The following ZC3H4 variants were observed in gnomAD, a reference collection of about 807,000 sequenced individuals.
ZC3H4 encodes the protein zinc finger CCCH domain-containing protein 4.
ZC3H4 carries 13 observed loss-of-function variants against 108.3 expected under a neutral mutation model. The ratio of observed to expected loss-of-function variants is 0.12; its 90% CI spans 0.08 to 0.19. The LOEUF is 0.19. Among genes scored for constraint, ZC3H4 ranks in the 10% least tolerant of loss-of-function variants. The pLI, the probability that ZC3H4 is intolerant of heterozygous loss-of-function variation, is 1.00. For synonymous variants in ZC3H4, 917 were observed against 749.6 expected, an observed-to-expected ratio of 1.22 and a Z score of -3.65; for missense variants, 1,734 against 1,838.8, an observed-to-expected ratio of 0.94 and a Z score of 1.04.
In ZC3H4 at chr19:47,112,576, G is replaced by A; in HGVS notation, c.9C>T (p.Ala3=). 1.7e-6 allele frequency: 2 copies of A among 1,168,066 alleles called. No individual in the cohort carries two copies. The highest frequency in any genetic ancestry group is 4.1e-5 in the South Asian group (1 of 24,240). 72.4% of individuals were successfully genotyped at this position (1,168,066 alleles called of 1,614,324 possible). Residue 3 remains alanine (A), a synonymous_variant, in exon 2 of 15, where the codon GCC becomes GCT. Coordinates refer to ENST00000253048, the MANE Select transcript of ZC3H4 (RefSeq NM_015168.2). The part of the protein sequence containing the change: ME[A]APGTPPPPPS... Reference sequence around the variant, plus strand: ...GCGGCGGCGGGGGGGTCCCGGGCGCGGCCTCCATAGTTCCTTTGGGGGGGA... The same window carrying A: ...GCGGCGGCGGGGGGGTCCCGGGCGCAGCCTCCATAGTTCCTTTGGGGGGGA...
rs1017396998 is a variant in ZC3H4 at position 47,072,501 on chromosome 19, C to A, written c.1653G>T (p.Pro551=). Residue 551 remains proline, a synonymous_variant, in exon 12 of 15, where the codon CCG becomes CCT. Coordinates refer to ENST00000253048, the MANE Select transcript of ZC3H4 (RefSeq NM_015168.2). The surrounding 1 kb of genome is among the most constrained non-coding windows in gnomAD (Gnocchi z 5.6). ...PPPPPPPPPP[P]PGPPQMPMPV... ...GCATGGGCATCTGAGGGGGCCCGGG[C>A]GGTGGGGGAGGGGGAGGGGGCGGGG... is the stretch of plus-strand genomic sequence containing the variant. 1 of 220,704 alleles carries A rather than the reference C, an allele frequency of 4.5e-6. No individual in the cohort carries two copies. Among genetic ancestry groups the A allele is most frequent in the East Asian group, 3.1e-4 (1 of 3,222 alleles). The allele number at this position is 220,704 out of a possible 1,614,324, so 13.7% of individuals were successfully genotyped here.
At chr19:47,112,043 C>T (rs62135069) in intron 2 of ZC3H4, 113,182 of 852,750 alleles carry the variant, frequency 0.13, 8,298 homozygotes, top group Non-Finnish European at 0.15. Context: ...CAGCTCCGGG[C>T]GCAGGGGCAG....
rs1176293304 is a variant in ZC3H4 at position 47,064,867 on chromosome 19, G to GTGGGA, written c.*1484_*1488dup. 7 of 152,196 alleles carry GTGGGA rather than the reference G, an allele frequency of 4.6e-5. No homozygotes were observed. The East Asian group carries it at 1.3e-3, about 29-fold the overall frequency. 9.4% of individuals were successfully genotyped at this position (152,196 alleles called of 1,614,324 possible). ...TTCATTTTTCTCTTTTTGGGGTGGG[G>GTGGGA]TGGGATAGGAGCCTTGTTCACCCCA... On this transcript the variant is annotated 3_prime_UTR_variant, in exon 15 of 15. Coordinates refer to ENST00000253048, the MANE Select transcript of ZC3H4 (RefSeq NM_015168.2).
chr19:47,089,164 C>CCACTG (rs2057686252), intron 5 of ZC3H4, among the ~76,000 whole-genome samples: 1 of 148,686 alleles, frequency 6.7e-6, no homozygotes, highest in Non-Finnish European at 1.5e-5. Flanking sequence ...CGAGATCGCG[C>CCACTG]CACTGCACTC....
rs1010492855 is a variant in ZC3H4, at chr19:47,096,689, G to A, written c.162-2081C>T. 6 of 621,106 alleles carry A rather than the reference G, an allele frequency of 9.7e-6. No homozygotes were observed. The African/African-American group carries it at 1.2e-4, about 12-fold the overall frequency. The allele number at this position is 621,106 out of a possible 1,614,324, so 38.5% of individuals were successfully genotyped here. ...CTGGGGTTCCATAAAGAAAAGCTAAGAACAACATTACTCTCGACACTTAAG... is the reference window on the plus strand; with the variant it reads ...CTGGGGTTCCATAAAGAAAAGCTAAAAACAACATTACTCTCGACACTTAAG... On this transcript the variant is annotated intron_variant, in intron 2 of 14. Transcript: ENST00000253048.
rs762005981 is a variant in ZC3H4 at position 47,071,998 on chromosome 19, A to AGGGTGCATGTCC, written c.1914_1925dup (p.Pro642_His645dup). On this transcript the variant is annotated inframe_insertion, in exon 13 of 15. Coordinates refer to ENST00000253048, the MANE Select transcript of ZC3H4 (RefSeq NM_015168.2). ...CTGCGTGCATGTCTGCGTGCATGTC[A>AGGGTGCATGTCC]GGGTGCATGTCCGGGTGCATGTCGG... 47 of 1,583,052 alleles carry AGGGTGCATGTCC rather than the reference A, an allele frequency of 3.0e-5. No homozygotes were observed. In the African/African-American group the frequency reaches 4.2e-4, roughly 14 times the overall value.
intron 11 of ZC3H4, among the ~76,000 whole-genome samples, chr19:47,081,062 T>A (rs2057513046): frequency 6.6e-6 from 1 of 151,842 alleles, no homozygotes; most frequent in Non-Finnish European, 1.5e-5. Context: ...GCCCAGCCAA[T>A]TTTTTTTAAT....
At chr19:47,094,238 ACC>A in intron 3 of ZC3H4, 149 bp downstream of exon 3, 1 of 1,098,268 alleles carries the variant, frequency 9.1e-7, no homozygotes, top group Admixed American at 2.1e-5. Context: ...AGCATAAGCT[ACC>A]AACTCTTTTA....
intron 2 of ZC3H4, among the ~76,000 whole-genome samples, chr19:47,104,616 C>T (rs2057945886): frequency 6.6e-6 from 1 of 152,194 alleles, no homozygotes. Context: ...CAAACTCATT[C>T]AAGTGTTTAT....
intron 5 of ZC3H4, among the ~76,000 whole-genome samples, chr19:47,088,030 G>A (rs908786566): frequency 1.3e-5 from 2 of 151,586 alleles, no homozygotes; most frequent in Non-Finnish European, 1.5e-5. Context: ...AAAATTAGCC[G>A]GGCGTGGCGG....
chr19:47,111,346 A>C (rs985879497), intron 2 of ZC3H4, among the ~76,000 whole-genome samples: 2 of 152,194 alleles, frequency 1.3e-5, no homozygotes, highest in Admixed American at 6.5e-5. Flanking sequence ...CAGCCAGAGA[A>C]GGGCGTGGGG....
chr19:47,079,248 T>TG (rs2057477099), intron 11 of ZC3H4, among the ~76,000 whole-genome samples: 1 of 151,516 alleles, frequency 6.6e-6, no homozygotes, highest in Non-Finnish European at 1.5e-5. Flanking sequence ...AGGCTGGTCT[T>TG]GAATTCCCAA....
At chr19:47,095,055 T>C (rs929248843) in intron 2 of ZC3H4, among the ~76,000 whole-genome samples, 3 of 152,206 alleles carry the variant, frequency 2.0e-5, no homozygotes, top group African/African-American at 7.2e-5. Context: ...TAAACCTTGC[T>C]TGACCACAGA....
chr19:47,099,197 C>T (rs987914087), intron 2 of ZC3H4, among the ~76,000 whole-genome samples: 2 of 151,958 alleles, frequency 1.3e-5, no homozygotes, highest in Admixed American at 1.3e-4. Flanking sequence ...CGGTGGCTCA[C>T]GTCTGTAATC....
In ZC3H4 at chr19:47,071,673, C is replaced by T. The variant is rs994402513; in HGVS notation, c.2146+105G>A. ...TAAATGGGACAGAGATGGAGTCATG[C>T]TTTCAAAGAGACTTGGACGAAGGAA... On this transcript the variant is annotated intron_variant, in intron 13 of 14. Coordinates refer to ENST00000253048, the MANE Select transcript of ZC3H4 (RefSeq NM_015168.2). The T allele has an allele frequency of 1.3e-5, 16 of 1,242,972 alleles. 1 individual carries two copies. In the Admixed American group the frequency reaches 4.1e-4, roughly 32 times the overall value. 77.0% of individuals were successfully genotyped at this position (1,242,972 alleles called of 1,614,324 possible).
At position 47,085,393 on chromosome 19, in the gene ZC3H4, T is replaced by C. The variant is rs766666693; in HGVS notation, c.892A>G (p.Met298Val). 16 of 1,598,092 alleles carry C rather than the reference T, an allele frequency of 1.0e-5. No homozygotes were observed. The East Asian group carries it at 1.8e-4, about 18-fold the overall frequency. ...TACTCGTCATAGTCGTCGTCTCCCA[T>C]TGGCTCCTCACTCTCTCCATACTGG... Reference protein sequence around the residue: ...EMDYGESEEPMGDDDYDEYSK... With the variant: ...EMDYGESEEPVGDDDYDEYSK... The change falls in exon 7 of 15, where the codon ATG becomes GTG. Residue 298 changes from methionine to valine, a missense_variant. Physicochemically the swap from Met to Val is conservative, Grantham distance 21 (BLOSUM62 1). Transcript: ENST00000253048.
chr19:47,108,740 A>C (rs1429406841), intron 2 of ZC3H4, among the ~76,000 whole-genome samples: 1 of 152,222 alleles, frequency 6.6e-6, no homozygotes, highest in African/African-American at 2.4e-5. Flanking sequence ...AGCTGGCTCT[A>C]CTTAGAGAAA....
chr19:47,068,019 G>A (rs2057250598), intron 14 of ZC3H4, 150 bp from the exon 15 acceptor site: 1 of 775,158 alleles, frequency 1.3e-6, no homozygotes, highest in African/African-American at 1.7e-5. Flanking sequence ...CCCCACAGTG[G>A]GCGGCTGAGG....
At chr19:47,110,945 G>A (rs1853204735) in intron 2 of ZC3H4, 14 of 984,818 alleles carry the variant, frequency 1.4e-5, no homozygotes, top group Non-Finnish European at 1.7e-5. Flanking sequence ...CTTTTAAAAG[G>A]CAAAGTATGG....
Sources: gnomAD v4.1 joint callset for allele counts (sites outside exome capture counted in the v4.1 genomes callset) on GRCh38, gnomAD v4.1.1 for gene constraint, Gnocchi (gnomAD v3.1) non-coding constraint, MANE v1.5 for transcripts, NCBI Gene and HGNC (gene_info 2026-07-23, HGNC 2026-07-21) for gene names.